The following CDKAL1 variants were observed in gnomAD, a reference collection of about 807,000 sequenced individuals.
The protein encoded by CDKAL1 is threonylcarbamoyladenosine tRNA methylthiotransferase.
Under a neutral mutation model 68.2 loss-of-function variants are expected in CDKAL1, and 32 were observed. The ratio of observed to expected loss-of-function variants is 0.47; its 90% CI spans 0.35 to 0.63. The LOEUF is 0.63. CDKAL1 is among the 30% of genes least tolerant of loss of function. The probability of loss-of-function intolerance (pLI) is 0.00; values close to 1 mark genes in which losing one functional copy is unlikely to be tolerated. For synonymous variants in CDKAL1, 234 were observed against 244.3 expected (o/e 0.96, Z 0.39); for missense variants, 606 against 696.7 (o/e 0.87, Z 1.47).
chr6:20,888,246 A>T (rs1276047439), intron 9 of CDKAL1, among the ~76,000 whole-genome samples: 1 of 151,444 alleles, frequency 6.6e-6, no homozygotes, highest in African/African-American at 2.4e-5. Flanking sequence ...TATCCTTGCG[A>T]TAGTTTGCTC....
At chr6:20,639,377 G>T (rs545655381) in intron 4 of CDKAL1, among the ~76,000 whole-genome samples, 3 of 152,224 alleles carry the variant, frequency 2.0e-5, no homozygotes, top group Non-Finnish European at 4.4e-5. Context: ...CAAAGGGCCA[G>T]TTCATACTCT....
At chr6:20,769,576 A>G (rs1374066778) in intron 7 of CDKAL1, among the ~76,000 whole-genome samples, 2 of 152,022 alleles carry the variant, frequency 1.3e-5, no homozygotes, top group African/African-American at 4.8e-5. Flanking sequence ...TTATCAATGC[A>G]ATTATTTGTG....
Position 20,934,800 on chromosome 6 carries a change from A to G in CDKAL1, c.743-20619A>G, listed in dbSNP as rs1339959641. The stretch of plus-strand genomic sequence containing the variant: ...GGTCAAAGCTCTGCAGTGAACTATG[A>G]TCACGCCACTGTACTCCAGCCTGTG... On this transcript the variant is annotated intron_variant, in intron 9 of 15. Coordinates refer to ENST00000274695, the MANE Select transcript of CDKAL1 (RefSeq NM_017774.3). 2.6e-5 allele frequency among the ~76,000 whole-genome samples: 4 copies of G among 152,180 alleles called. No homozygotes were observed. In the East Asian group the frequency reaches 7.7e-4, roughly 29 times the overall value.
At chr6:20,681,238 C>T (rs1170994302) in intron 5 of CDKAL1, among the ~76,000 whole-genome samples, 1 of 152,200 alleles carries the variant, frequency 6.6e-6, no homozygotes, top group African/African-American at 2.4e-5. Context: ...ATTATAACAA[C>T]TCCTAAGCAT....
intron 4 of CDKAL1, among the ~76,000 whole-genome samples, chr6:20,564,111 T>C (rs1386887782): frequency 6.6e-6 from 1 of 152,198 alleles, no homozygotes. Flanking sequence ...TTGGAAATAT[T>C]TATAAGTTTA....
At chr6:21,129,682 CAAAAAAAAAAAA>C (rs34802727) in intron 13 of CDKAL1, among the ~76,000 whole-genome samples, 9 of 69,016 alleles carry the variant, frequency 1.3e-4, no homozygotes, top group Admixed American at 2.0e-4. Context: ...TGCAGTTTAC[CAAAAAAAAAAAA>C]AAAAAAAAAA....
chr6:20,856,664 A>T (rs1759353936), intron 9 of CDKAL1, among the ~76,000 whole-genome samples: 1 of 152,204 alleles, frequency 6.6e-6, no homozygotes, highest in Non-Finnish European at 1.5e-5. Flanking sequence ...GATTCTTGTG[A>T]CCAGGTACAA....
At chr6:20,711,440 A>C (rs1303803691) in intron 5 of CDKAL1, among the ~76,000 whole-genome samples, 1 of 152,216 alleles carries the variant, frequency 6.6e-6, no homozygotes, top group East Asian at 1.9e-4. Flanking sequence ...GTCAGAAGAC[A>C]AATTGGAATC....
Position 20,634,767 on chromosome 6 carries a change from C to G in CDKAL1, c.287-14526C>G, listed in dbSNP as rs988187484. On this transcript the variant is annotated intron_variant, in intron 4 of 15. Coordinates refer to ENST00000274695, the MANE Select transcript of CDKAL1 (RefSeq NM_017774.3). ...ACGAGGCAGGAGGATCACCTGAGGT[C>G]AGGAGTTTGAGACCAGCCTGACCAA... is the stretch of plus-strand genomic sequence containing the variant. Among the ~76,000 whole-genome samples the G allele has an allele frequency of 5.9e-5, 9 of 152,016 alleles. No individual in the cohort carries two copies. In the East Asian group the frequency reaches 1.6e-3, roughly 26 times the overall value.
chr6:20,982,027 C>T (rs1279327281), intron 10 of CDKAL1, among the ~76,000 whole-genome samples: 2 of 151,764 alleles, frequency 1.3e-5, no homozygotes, highest in Non-Finnish European at 2.9e-5. Context: ...CACTTTTTCT[C>T]ACCTAAGATA....
At chr6:21,027,868 C>G (rs545233638) in intron 11 of CDKAL1, among the ~76,000 whole-genome samples, 2 of 151,542 alleles carry the variant, frequency 1.3e-5, no homozygotes, top group African/African-American at 4.8e-5. Context: ...GAGTGTAGAT[C>G]ATGTTCTGGA....
intron 11 of CDKAL1, among the ~76,000 whole-genome samples, chr6:21,033,268 G>T (rs1011958181): frequency 6.6e-6 from 1 of 152,138 alleles, no homozygotes; most frequent in African/African-American, 2.4e-5. Context: ...ATGTAATAGT[G>T]ACCATTGATG....
chr6:20,583,731 T>C (rs1765228046), intron 4 of CDKAL1, among the ~76,000 whole-genome samples: 1 of 151,882 alleles, frequency 6.6e-6, no homozygotes, highest in Non-Finnish European at 1.5e-5. Context: ...ACAATAGATA[T>C]AATAGATGTA....
chr6:20,613,544 A>G (rs978988), intron 4 of CDKAL1, among the ~76,000 whole-genome samples: 42,116 of 150,258 alleles, frequency 0.28, 6,452 homozygotes, highest in East Asian at 0.53. Context: ...CGAAGTGCTG[A>G]GATTACATGT....
chr6:20,776,459 G>A (rs1490964808), intron 7 of CDKAL1, among the ~76,000 whole-genome samples: 2 of 152,208 alleles, frequency 1.3e-5, no homozygotes, highest in Admixed American at 1.3e-4. Flanking sequence ...AGTGCAAAGA[G>A]GCTATGACTG....
At chr6:20,965,238 G>A (rs1221395788) in intron 10 of CDKAL1, among the ~76,000 whole-genome samples, 2 of 151,112 alleles carry the variant, frequency 1.3e-5, no homozygotes, top group Non-Finnish European at 2.9e-5. Flanking sequence ...CTTGGACCCA[G>A]GAGTTCAAGA....
Position 20,731,580 on chromosome 6 carries a change from C to T in CDKAL1, c.372-7939C>T, listed in dbSNP as rs115000782. ...ATTTTTAAATCAAAGAACAAACTTA[C>T]GGCCTTTAGTACTTTAGATACAGCT... On this transcript the variant is annotated intron_variant, in intron 5 of 15. Transcript: ENST00000274695. 7.7e-3 allele frequency among the ~76,000 whole-genome samples: 1,169 copies of T among 152,242 alleles called. 13 individuals are homozygous for T. The highest frequency in any genetic ancestry group is 0.027 in the African/African-American group (1,105 of 41,522).
At chr6:21,192,454 G>A (rs1050419757) in intron 13 of CDKAL1, among the ~76,000 whole-genome samples, 5 of 152,108 alleles carry the variant, frequency 3.3e-5, no homozygotes, top group Admixed American at 6.5e-5. Context: ...GCTTGTTAAA[G>A]CAGGTGCCAG....
At chr6:20,549,219 T>C (rs1448486638) in intron 4 of CDKAL1, among the ~76,000 whole-genome samples, 1 of 152,228 alleles carries the variant, frequency 6.6e-6, no homozygotes, top group East Asian at 1.9e-4. Flanking sequence ...TTCCTTGATA[T>C]TTCTGATGAA....
Sources: gnomAD v4.1 joint callset for allele counts (sites outside exome capture counted in the v4.1 genomes callset) on GRCh38, gnomAD v4.1.1 for gene constraint, MANE v1.5 for transcripts, NCBI Gene and HGNC (gene_info 2026-07-23, HGNC 2026-07-21) for gene names.